ADAM32: variants seen among roughly 807,000 people sequenced by gnomAD.
The protein encoded by ADAM32 is disintegrin and metalloproteinase domain-containing protein 32.
A neutral mutation model predicts 114.9 loss-of-function variants in ADAM32; 89 were observed. That is an observed-to-expected ratio of 0.77 (90% CI 0.65 to 0.92). ADAM32 has a LOEUF of 0.92. ADAM32 is among the 40% of genes least tolerant of loss of function. The pLI, the probability that ADAM32 is intolerant of heterozygous loss-of-function variation, is 0.00. For synonymous variants in ADAM32, 285 were observed against 307.5 expected, an observed-to-expected ratio of 0.93 and a Z score of 0.77; for missense variants, 870 against 932.8, an observed-to-expected ratio of 0.93 and a Z score of 0.88.
chr8:39,138,770 A>C (rs1802961633), intron 3 of ADAM32, among the ~76,000 whole-genome samples: 1 of 152,196 alleles, frequency 6.6e-6, no homozygotes, highest in Admixed American at 6.5e-5. Context: ...CAATGGTTGA[A>C]CTAATTTACA....
chr8:39,178,313 G>A (rs1456435503), intron 10 of ADAM32, among the ~76,000 whole-genome samples: 4 of 152,062 alleles, frequency 2.6e-5, no homozygotes, highest in East Asian at 1.9e-4. Flanking sequence ...TTCTGCTATT[G>A]ATACTTGTGA....
chr8:39,112,803 A>G (rs1350999560), intron 1 of ADAM32, among the ~76,000 whole-genome samples: 1 of 152,206 alleles, frequency 6.6e-6, no homozygotes, highest in Non-Finnish European at 1.5e-5. Context: ...CTATGGGACT[A>G]TCTATAGAGA....
chr8:39,203,612 G>T (rs1166117598), intron 11 of ADAM32, among the ~76,000 whole-genome samples: 1 of 152,118 alleles, frequency 6.6e-6, no homozygotes, highest in East Asian at 1.9e-4. Flanking sequence ...CTTTTAATTG[G>T]AGCATTTAGC....
chr8:39,112,353 A>G (rs995761349), intron 1 of ADAM32, among the ~76,000 whole-genome samples: 22 of 152,226 alleles, frequency 1.4e-4, no homozygotes, highest in Admixed American at 1.4e-3. Context: ...GTTTTCTTCA[A>G]TGTGTTATTG....
chr8:39,167,220 A>G (rs1013090234), intron 9 of ADAM32: 7 of 152,186 alleles, frequency 4.6e-5, no homozygotes, highest in Non-Finnish European at 7.3e-5. Context: ...TGATTTTTGT[A>G]TAAGGTGAGA....
In ADAM32 at chr8:39,254,501, C is replaced by T; in HGVS notation, c.1990C>T (p.Pro664Ser). The T allele has an allele frequency of 2.5e-6, 4 of 1,583,040 alleles. No individual in the cohort carries two copies. In the South Asian group the frequency reaches 4.7e-5, roughly 18 times the overall value. ...QIRSKGFSIF[P>S]EEDMGSIMER... Reference sequence around the variant, plus strand: ...ACGTTCCAAAGGATTTTCCATATTTCCTGAGGAAGATATGGGCAAGTATTT... The same window carrying T: ...ACGTTCCAAAGGATTTTCCATATTTTCTGAGGAAGATATGGGCAAGTATTT... Residue 664 changes from proline to serine, a missense_variant, in exon 18 of 25, where the codon CCT (proline) becomes TCT (serine). Pro to Ser is a moderately conservative substitution (Grantham distance 74). Coordinates refer to ENST00000379907, the MANE Select transcript of ADAM32 (RefSeq NM_145004.7).
intron 1 of ADAM32, among the ~76,000 whole-genome samples, chr8:39,114,985 C>G (rs1044541047): frequency 9.2e-5 from 14 of 152,186 alleles, no homozygotes; most frequent in African/African-American, 3.1e-4. Flanking sequence ...GTTTTCTGTT[C>G]CTGTGTTAAT....
At chr8:39,193,725 T>A (rs887048457) in intron 11 of ADAM32, among the ~76,000 whole-genome samples, 9 of 152,180 alleles carry the variant, frequency 5.9e-5, no homozygotes, top group Non-Finnish European at 1.0e-4. Context: ...ATCAGGTGGG[T>A]TCAGTCGACT....
rs28417102 is a variant in ADAM32, at chr8:39,125,982, T to C, written c.138+7817T>C. Among the ~76,000 whole-genome samples, 300 of 152,240 alleles carry C rather than the reference T, an allele frequency of 2.0e-3. 1 individual carries two copies. Among genetic ancestry groups the C allele is most frequent in the African/African-American group, 6.4e-3 (268 of 41,554 alleles). ...AGATCAGATGGTTGTAGGCATGCGG[T>C]CTTATTTCTGAGTTCTCTATTCTGT... On this transcript the variant is annotated intron_variant, in intron 2 of 24. Coordinates refer to ENST00000379907, the MANE Select transcript of ADAM32 (RefSeq NM_145004.7).
At chr8:39,267,466 AT>A (rs1401500379) in intron 19 of ADAM32, among the ~76,000 whole-genome samples, 1 of 152,226 alleles carries the variant, frequency 6.6e-6, no homozygotes, top group Middle Eastern at 3.4e-3. Context: ...ATATACCTTA[AT>A]TTTTTTAAAT....
chr8:39,201,621 C>A (rs1187562089), intron 11 of ADAM32, among the ~76,000 whole-genome samples: 1 of 152,186 alleles, frequency 6.6e-6, no homozygotes, highest in Non-Finnish European at 1.5e-5. Context: ...CCCTTTATTT[C>A]TTTCTCCTGC....
At chr8:39,240,434 AG>A (rs1810484389) in intron 16 of ADAM32, among the ~76,000 whole-genome samples, 1 of 152,264 alleles carries the variant, frequency 6.6e-6, no homozygotes, top group South Asian at 2.1e-4. Flanking sequence ...CCGTGCTAAA[AG>A]GAAAGTTTAT....
intron 11 of ADAM32, among the ~76,000 whole-genome samples, chr8:39,192,144 A>T (rs1585501899): frequency 6.6e-6 from 1 of 152,128 alleles, no homozygotes; most frequent in African/African-American, 2.4e-5. Flanking sequence ...GAATTTATTC[A>T]TTTCTTCTAG....
chr8:39,225,823 A>T (rs1809327500), intron 14 of ADAM32, among the ~76,000 whole-genome samples: 1 of 152,116 alleles, frequency 6.6e-6, no homozygotes, highest in African/African-American at 2.4e-5. Context: ...CATTCTGTAA[A>T]GTTTCAAAAT....
intron 2 of ADAM32, among the ~76,000 whole-genome samples, chr8:39,135,940 T>C (rs543592733): frequency 6.6e-6 from 1 of 152,338 alleles, no homozygotes; most frequent in Admixed American, 6.5e-5. Context: ...TCTTCTTTGA[T>C]CTGTATGGTA....
chr8:39,232,256 CTCAAA>C (rs978929492), intron 15 of ADAM32, 121 bp downstream of exon 15: 20 of 679,838 alleles, frequency 2.9e-5, no homozygotes, highest in Non-Finnish European at 4.1e-5. Context: ...AGGAGTGAAC[CTCAAA>C]TCAAAATCCC....
At chr8:39,265,586 G>A (rs1812300245) in intron 19 of ADAM32, among the ~76,000 whole-genome samples, 1 of 152,192 alleles carries the variant, frequency 6.6e-6, no homozygotes, top group African/African-American at 2.4e-5. Context: ...GCTTTATAGT[G>A]TCAGGGGGCT....
chr8:39,195,090 G>A (rs1448647289), intron 11 of ADAM32, among the ~76,000 whole-genome samples: 1 of 152,090 alleles, frequency 6.6e-6, no homozygotes, highest in African/African-American at 2.4e-5. Flanking sequence ...TAGTAGCCTT[G>A]TGTAAGGTTC....
At position 39,180,551 on chromosome 8, in the gene ADAM32, G is replaced by A. The variant is rs532776685; in HGVS notation, c.916-6358G>A. Among the ~76,000 whole-genome samples the A allele has an allele frequency of 3.7e-3, 563 of 152,384 alleles. 2 individuals are homozygous for A. The highest frequency in any genetic ancestry group is 5.3e-3 in the Non-Finnish European group (360 of 68,040). ...GGACTGGCAGGCAGCTCCACCTGCA[G>A]CCCTGGTGCGGGATCCACTGGATGA... On this transcript the variant is annotated intron_variant, in intron 10 of 24. Transcript: ENST00000379907.
Sources: allele counts gnomAD v4.1 joint callset (sites outside exome capture counted in the v4.1 genomes callset), GRCh38; gene constraint gnomAD v4.1.1; transcripts MANE v1.5; gene names NCBI Gene and HGNC (gene_info 2026-07-23, HGNC 2026-07-21).